HEPACAM2: variants seen among roughly 807,000 people sequenced by gnomAD.
The protein encoded by HEPACAM2 is HEPACAM family member 2.
HEPACAM2 carries 49 observed loss-of-function variants against 49.6 expected under a neutral mutation model. The observed-to-expected ratio is 0.99, with a 90% CI of 0.78 to 1.25. The LOEUF (loss-of-function observed/expected upper bound fraction) is 1.25, where lower values mean the gene tolerates loss of function less well. HEPACAM2 is among the 50% of genes most tolerant of loss of function. The pLI, the probability that HEPACAM2 is intolerant of heterozygous loss-of-function variation, is 0.00. For synonymous variants in HEPACAM2, 197 were observed against 202.9 expected (o/e 0.97, Z 0.25); for missense variants, 525 against 557.2 (o/e 0.94, Z 0.58).
chr7:93,197,387 CT>C lies in HEPACAM2; in HGVS notation c.1148del (p.Gln383ArgfsTer3). ...KKYQPYKVIK[Q>X]KLEGRPETEY... ...AGATGCATTACCTGCCTTCTAGTTT[CT>C]GTTTTATAACTAAAATCAAGAGAGA... On this transcript the variant is annotated frameshift_variant, in exon 6 of 10. Transcript: ENST00000394468. LOFTEE classifies it high-confidence loss of function. 1 of 1,599,214 alleles carries C rather than the reference CT, an allele frequency of 6.3e-7. No individual in the cohort carries two copies. The highest frequency in any genetic ancestry group is 8.5e-7 in the Non-Finnish European group (1 of 1,172,866).
intron 1 of HEPACAM2, among the ~76,000 whole-genome samples, chr7:93,224,406 T>A (rs1380226311): frequency 1.3e-5 from 2 of 152,158 alleles, no homozygotes; most frequent in East Asian, 3.8e-4. Context: ...TTTCTGAGTA[T>A]AACAAACAAA....
At chr7:93,196,743 A>C (rs1293566759) in intron 7 of HEPACAM2, among the ~76,000 whole-genome samples, 5 of 152,184 alleles carry the variant, frequency 3.3e-5, no homozygotes, top group Admixed American at 3.3e-4. Flanking sequence ...AACTTATAAT[A>C]AGTCAGTACA....
Position 93,192,277 on chromosome 7 carries a change from A to G in HEPACAM2, c.1362T>C (p.Pro454=), listed in dbSNP as rs537093109. 2.3e-4 allele frequency: 374 copies of G among 1,612,508 alleles called. 1 individual carries two copies. The South Asian group carries it at 3.8e-3, about 16-fold the overall frequency. ...STVYEVIQHI[P]AQQQDHPE is the part of the protein sequence containing the mutation. The stretch of plus-strand genomic sequence containing the variant: ...ACTCTGGATGGTCTTGCTGCTGGGC[A>G]GGGATGTGCTGAATAACTTCATACA... The change falls in exon 9 of 10, where the codon CCT becomes CCC. Residue 454 remains proline, a synonymous_variant. Coordinates refer to ENST00000394468, the MANE Select transcript of HEPACAM2 (RefSeq NM_001039372.4).
At chr7:93,218,099 G>C (rs1249382286) in intron 2 of HEPACAM2, among the ~76,000 whole-genome samples, 2 of 152,092 alleles carry the variant, frequency 1.3e-5, no homozygotes, top group Non-Finnish European at 2.9e-5. Context: ...CCCGTTCCAG[G>C]AAAAGCATGA....
intron 7 of HEPACAM2, 56 bp from the exon 8 acceptor site, chr7:93,195,957 T>C: frequency 7.9e-7 from 1 of 1,258,270 alleles, no homozygotes; most frequent in Admixed American, 1.8e-5. Flanking sequence ...TGCTGTTGTT[T>C]TTTAAACCTT....
At chr7:93,228,043 A>C (rs1794569398), upstream of HEPACAM2, among the ~76,000 whole-genome samples, 1 of 152,220 alleles carries the variant, frequency 6.6e-6, no homozygotes, top group Non-Finnish European at 1.5e-5. Flanking sequence ...TACAGATATC[A>C]CATAGGTTCC....
chr7:93,217,531 C>A (rs763825488), intron 2 of HEPACAM2, among the ~76,000 whole-genome samples: 2 of 152,060 alleles, frequency 1.3e-5, no homozygotes, highest in African/African-American at 4.8e-5. Flanking sequence ...TCTCTCTTTT[C>A]TTTTTCCCCA....
Position 93,192,646 on chromosome 7 carries a change from T to C in HEPACAM2, c.1276-283A>G, listed in dbSNP as rs4727287. Among the ~76,000 whole-genome samples the C allele has an allele frequency of 0.11, 16,099 of 151,986 alleles. 1,443 individuals are homozygous for C. The highest frequency in any genetic ancestry group is 0.31 in the East Asian group (1,613 of 5,136). On this transcript the variant is annotated intron_variant, in intron 8 of 9. Coordinates refer to ENST00000394468, the MANE Select transcript of HEPACAM2 (RefSeq NM_001039372.4). ...GCTGGCAGTACTGTAAAGGAAATAT[T>C]ATAGAAAGAAAAAATAGCAAAAGAG...
intron 2 of HEPACAM2, among the ~76,000 whole-genome samples, chr7:93,218,015 T>C (rs1419632268): frequency 6.6e-6 from 1 of 151,806 alleles, no homozygotes; most frequent in Non-Finnish European, 1.5e-5. Flanking sequence ...GGGAGCATGC[T>C]AGTATCTTGG....
In HEPACAM2 at chr7:93,219,454, G is replaced by A; in HGVS notation, c.80-3C>T. On this transcript the variant is annotated splice_region_variant and splice_polypyrimidine_tract_variant and intron_variant, in intron 1 of 9. Transcript: ENST00000394468. ...CACCTTCAGCCCCGAGCAAGCACCT[G>A]TTGCAAAGGAAAGGAAAGTTGTGAA... 2 of 1,613,728 alleles carry A rather than the reference G, an allele frequency of 1.2e-6. No homozygotes were observed. The highest frequency in any genetic ancestry group is 4.5e-5 in the East Asian group (2 of 44,870).
At chr7:93,226,491 C>T (rs999647954), upstream of HEPACAM2, 1 of 1,460,944 alleles carries the variant, frequency 6.8e-7, no homozygotes, top group African/African-American at 1.4e-5. Context: ...CCAGCAGCTG[C>T]TGGTTTATTT....
upstream of HEPACAM2, among the ~76,000 whole-genome samples, chr7:93,227,438 A>C (rs1191705524): frequency 6.6e-6 from 1 of 152,206 alleles, no homozygotes; most frequent in African/African-American, 2.4e-5. Flanking sequence ...GTAAAGGCCC[A>C]CTGAAGAAGT....
chr7:93,198,877 T>C lies in HEPACAM2; in HGVS notation c.1013-1267A>G, dbSNP rs74690598. On this transcript the variant is annotated intron_variant, in intron 4 of 9. Coordinates refer to ENST00000394468, the MANE Select transcript of HEPACAM2 (RefSeq NM_001039372.4). ...AAGGGAGGAAGCCTTAATCTTTTCTTTCTCTCAGTATGAACCTACATTAAC... is the reference window on the plus strand; with the variant it reads ...AAGGGAGGAAGCCTTAATCTTTTCTCTCTCTCAGTATGAACCTACATTAAC... Among the ~76,000 whole-genome samples, 1,245 of 152,214 alleles carry C rather than the reference T, an allele frequency of 8.2e-3. 22 individuals carry two copies. The highest frequency in any genetic ancestry group is 0.028 in the African/African-American group (1,168 of 41,572).
chr7:93,200,077 G>C (rs914511883), intron 4 of HEPACAM2, among the ~76,000 whole-genome samples: 1 of 151,720 alleles, frequency 6.6e-6, no homozygotes, highest in African/African-American at 2.4e-5. Context: ...ATATGAAAAG[G>C]GTGTATTCTG....
At chr7:93,190,172 G>A (rs958926407) in intron 9 of HEPACAM2, among the ~76,000 whole-genome samples, 3 of 151,850 alleles carry the variant, frequency 2.0e-5, no homozygotes, top group East Asian at 1.9e-4. Context: ...GTGCAAAATA[G>A]TTTCTGATAA....
At chr7:93,204,328 A>G (rs1322101447) in intron 4 of HEPACAM2, among the ~76,000 whole-genome samples, 1 of 28,696 alleles carries the variant, frequency 3.5e-5, no homozygotes, top group East Asian at 7.3e-4. Context: ...AACATTCTCT[A>G]TCTATCTATC....
At chr7:93,193,643 T>C (rs867246905) in intron 8 of HEPACAM2, among the ~76,000 whole-genome samples, 26 of 152,240 alleles carry the variant, frequency 1.7e-4, no homozygotes, top group African/African-American at 5.8e-4. Flanking sequence ...CTCGCTATGT[T>C]ACTCAGGTTG....
In HEPACAM2 at chr7:93,189,241, G is replaced by A. The variant is rs1053320231; in HGVS notation, c.*26C>T. 30 of 1,579,360 alleles carry A rather than the reference G, an allele frequency of 1.9e-5. No homozygotes were observed. The highest frequency in any genetic ancestry group is 2.7e-5 in the African/African-American group (2 of 73,808). ...AAAATGTTTCTTCAGAATTTCACTC[G>A]AATGTACTGTTTAGCCCATGAAAGT... On this transcript the variant is annotated 3_prime_UTR_variant, in exon 10 of 10. Coordinates refer to ENST00000394468, the MANE Select transcript of HEPACAM2 (RefSeq NM_001039372.4).
intron 2 of HEPACAM2, 49 bp downstream of exon 2, chr7:93,219,052 C>G: frequency 6.5e-7 from 1 of 1,534,874 alleles, no homozygotes; most frequent in South Asian, 1.2e-5. Flanking sequence ...TGAGCCTTTG[C>G]TAACTACCAT....
Sources: allele counts gnomAD v4.1 joint callset (sites outside exome capture counted in the v4.1 genomes callset), GRCh38; gene constraint gnomAD v4.1.1; transcripts MANE v1.5; gene names NCBI Gene and HGNC (gene_info 2026-07-23, HGNC 2026-07-21).